Variants in NAALADL2 observed in about 807,000 individuals in gnomAD.
NAALADL2 encodes inactive N-acetylated-alpha-linked acidic dipeptidase-like protein 2.
NAALADL2 carries 76 observed loss-of-function variants against 87.2 expected under a neutral mutation model. That is an observed-to-expected ratio of 0.87 (90% CI 0.72 to 1.05). The LOEUF (loss-of-function observed/expected upper bound fraction) is 1.05. NAALADL2 is among the 50% of genes least tolerant of loss of function. The probability of loss-of-function intolerance (pLI) is 0.00; values close to 1 mark genes in which losing one functional copy is unlikely to be tolerated. For missense variants in NAALADL2, 1,089 were observed against 945.8 expected (o/e 1.15, Z -1.99); for synonymous variants, 354 against 331.0 (o/e 1.07, Z -0.75).
At chr3:175,735,669 C>A (rs1218300098) in intron 11 of NAALADL2, among the ~76,000 whole-genome samples, 1 of 152,102 alleles carries the variant, frequency 6.6e-6, no homozygotes. Flanking sequence ...GAGACACATT[C>A]ACTATCATGA....
At chr3:175,535,969 G>A (rs185486090) in intron 9 of NAALADL2, among the ~76,000 whole-genome samples, 21 of 152,210 alleles carry the variant, frequency 1.4e-4, no homozygotes, top group Admixed American at 7.2e-4. Context: ...GAGGCGCAAC[G>A]CAGTTTAATA....
chr3:175,030,316 C>T (rs74395544), intron 1 of NAALADL2, among the ~76,000 whole-genome samples: 12,731 of 152,048 alleles, frequency 0.084, 585 homozygotes, highest in Middle Eastern at 0.12. Context: ...GTACAAGTTG[C>T]TTATAGACGA....
At chr3:174,751,303 A>G (rs1024760108) in intron 3 of NAALADL2, among the ~76,000 whole-genome samples, 1 of 152,164 alleles carries the variant, frequency 6.6e-6, no homozygotes, top group Non-Finnish European at 1.5e-5. Flanking sequence ...TTTTCAGCAT[A>G]TATGAAAAGA....
chr3:175,557,276 T>G (rs1256526431), intron 9 of NAALADL2, among the ~76,000 whole-genome samples: 2 of 152,198 alleles, frequency 1.3e-5, no homozygotes, highest in Admixed American at 1.3e-4. Flanking sequence ...TGTGGGTACA[T>G]GGTAGTTGTA....
chr3:175,742,016 A>G lies in NAALADL2; in HGVS notation c.1990+4617A>G, dbSNP rs7649948. Among the ~76,000 whole-genome samples, 867 of 152,332 alleles carry G rather than the reference A, an allele frequency of 5.7e-3. 8 individuals are homozygous for G. The highest frequency in any genetic ancestry group is 0.019 in the African/African-American group (806 of 41,582). ...AAGTAGATAAGAGACAAAAAGTTGC[A>G]GTCTTTTTAGTTTCTGTTTAGCCTT... On this transcript the variant is annotated intron_variant, in intron 12 of 13. Coordinates refer to ENST00000454872, the MANE Select transcript of NAALADL2 (RefSeq NM_207015.3).
Position 175,807,367 on chromosome 3 carries a change from G to A in NAALADL2, c.*4164G>A, listed in dbSNP as rs1216925437. 1 of 151,874 alleles carries A rather than the reference G, an allele frequency of 6.6e-6. No homozygotes were observed. Among genetic ancestry groups the A allele is most frequent in the Non-Finnish European group, 1.5e-5 (1 of 67,874 alleles). 9.4% of individuals were successfully genotyped at this position (151,874 alleles called of 1,614,324 possible). On this transcript the variant is annotated 3_prime_UTR_variant, in exon 14 of 14. Coordinates refer to ENST00000454872, the MANE Select transcript of NAALADL2 (RefSeq NM_207015.3). ...TATTTGTGACCATGTTACTAATGAT[G>A]AATCAGCATCTTTGCCTCAAATGAA... is the stretch of plus-strand genomic sequence containing the variant.
chr3:174,465,285 A>G (rs1036129211), intron 1 of NAALADL2, among the ~76,000 whole-genome samples: 1 of 152,174 alleles, frequency 6.6e-6, no homozygotes, highest in South Asian at 2.1e-4. Context: ...TTATCTGTAT[A>G]TATCAGCACA....
chr3:175,431,902 T>C (rs1459015116), intron 5 of NAALADL2, among the ~76,000 whole-genome samples: 1 of 152,002 alleles, frequency 6.6e-6, no homozygotes, highest in Non-Finnish European at 1.5e-5. Flanking sequence ...CTTAATTACC[T>C]CATTGCCACT....
chr3:175,125,170 A>T (rs1364171606), intron 2 of NAALADL2, among the ~76,000 whole-genome samples: 5 of 152,018 alleles, frequency 3.3e-5, no homozygotes, highest in African/African-American at 1.2e-4. Context: ...TTTAAATTTT[A>T]CTTATTTTCA....
At chr3:175,520,917 A>G (rs1242025242) in intron 9 of NAALADL2, among the ~76,000 whole-genome samples, 1 of 152,180 alleles carries the variant, frequency 6.6e-6, no homozygotes, top group Non-Finnish European at 1.5e-5. Context: ...CCCTACTTTT[A>G]CGGGTAAAAT....
chr3:175,180,785 G>T (rs1266391761), intron 2 of NAALADL2, among the ~76,000 whole-genome samples: 2 of 151,492 alleles, frequency 1.3e-5, no homozygotes, highest in African/African-American at 4.8e-5. Context: ...TATTTGTTAT[G>T]TTGCTGGCAC....
chr3:174,919,746 A>G (rs939953008), intron 1 of NAALADL2, among the ~76,000 whole-genome samples: 2 of 152,184 alleles, frequency 1.3e-5, no homozygotes, highest in African/African-American at 4.8e-5. Context: ...AAGGTTTTCA[A>G]TTTACTTCTT....
intron 9 of NAALADL2, among the ~76,000 whole-genome samples, chr3:175,542,840 C>T (rs1394737355): frequency 6.6e-6 from 1 of 152,130 alleles, no homozygotes; most frequent in Non-Finnish European, 1.5e-5. Context: ...TCACTTGTGA[C>T]CTTGAAGTGC....
intron 3 of NAALADL2, among the ~76,000 whole-genome samples, chr3:174,772,804 A>T (rs931688291): frequency 6.6e-6 from 1 of 152,226 alleles, no homozygotes; most frequent in African/African-American, 2.4e-5. Flanking sequence ...GACCTTGTTC[A>T]TGTCAGTATC....
intron 10 of NAALADL2, among the ~76,000 whole-genome samples, chr3:175,592,313 T>C (rs200048231): frequency 3.0e-4 from 7 of 23,234 alleles, no homozygotes; most frequent in African/African-American, 3.8e-4. Flanking sequence ...TTTTCTTTTT[T>C]TTTTTTTTTT....
chr3:174,783,542 A>G (rs1716254851), intron 3 of NAALADL2, among the ~76,000 whole-genome samples: 1 of 152,174 alleles, frequency 6.6e-6, no homozygotes, highest in South Asian at 2.1e-4. Context: ...TGCATTTTGC[A>G]ACCGTGGCAA....
At chr3:175,575,620 C>T (rs1718758149) in intron 9 of NAALADL2, among the ~76,000 whole-genome samples, 1 of 152,014 alleles carries the variant, frequency 6.6e-6, no homozygotes, top group African/African-American at 2.4e-5. Context: ...TTAAGAAGAA[C>T]AGAATTATAC....
At chr3:175,215,629 T>C (rs1253421401) in intron 2 of NAALADL2, among the ~76,000 whole-genome samples, 2 of 152,136 alleles carry the variant, frequency 1.3e-5, no homozygotes, top group Non-Finnish European at 2.9e-5. Context: ...CAAATAATGC[T>C]TCCTAACCAC....
intron 1 of NAALADL2, among the ~76,000 whole-genome samples, chr3:175,009,518 C>G (rs575208710): frequency 6.6e-6 from 1 of 152,208 alleles, no homozygotes; most frequent in South Asian, 2.1e-4. Flanking sequence ...TATTATTACC[C>G]ATGTAACTAT....
Sources: gnomAD v4.1 joint callset for allele counts (sites outside exome capture counted in the v4.1 genomes callset) on GRCh38, gnomAD v4.1.1 for gene constraint, MANE v1.5 for transcripts, NCBI Gene and HGNC (gene_info 2026-07-23, HGNC 2026-07-21) for gene names.